Variants in TSC22D1 observed in about 807,000 individuals in gnomAD.
TSC22D1 encodes TSC22 domain family protein 1.
A neutral mutation model predicts 74.2 loss-of-function variants in TSC22D1; 9 were observed. The observed-to-expected ratio is 0.12, with a 90% CI of 0.07 to 0.21. The LOEUF (loss-of-function observed/expected upper bound fraction) is 0.21. Ranked by LOEUF, TSC22D1 falls within the 10% of genes least tolerant of loss-of-function variation. TSC22D1 has a pLI of 1.00. For synonymous variants in TSC22D1, 586 were observed against 492.5 expected (o/e 1.19, Z -2.51); for missense variants, 1,427 against 1,304.7 (o/e 1.09, Z -1.44).
At chr13:44,457,302 A>G (rs1225736148) in intron 1 of TSC22D1, among the ~76,000 whole-genome samples, 2 of 152,228 alleles carry the variant, frequency 1.3e-5, no homozygotes, top group Non-Finnish European at 1.5e-5. Context: ...CGCAAAGGAT[A>G]ACTTTTCTAT....
chr13:44,443,820 T>C (rs1274658216), intron 1 of TSC22D1, among the ~76,000 whole-genome samples: 1 of 152,180 alleles, frequency 6.6e-6, no homozygotes, highest in East Asian at 1.9e-4. Flanking sequence ...GAGTACACTA[T>C]GATAAGTTAA....
Position 44,575,707 on chromosome 13 carries a change from G to A in TSC22D1, c.368C>T (p.Ala123Val), listed in dbSNP as rs1329431286. 4.3e-6 allele frequency: 7 copies of A among 1,614,082 alleles called. No individual in the cohort carries two copies. The Admixed American group carries it at 8.3e-5, about 19-fold the overall frequency. The change falls in exon 1 of 3, where the codon GCT becomes GTT. Residue 123 changes from alanine to valine, a missense_variant. Transcript: ENST00000458659. ...ITSVTPAQISASISSNNSIAE... is the reference protein window; with the variant it reads ...ITSVTPAQISVSISSNNSIAE... ...TATACTGTTGTTAGAGCTGATACTA[G>A]CGGAGATCTGAGCAGGAGTAACGCT...
chr13:44,561,276 TACC>T (rs1883020042), intron 1 of TSC22D1, among the ~76,000 whole-genome samples: 1 of 152,164 alleles, frequency 6.6e-6, no homozygotes, highest in South Asian at 2.1e-4. Flanking sequence ...CCTCCATTTC[TACC>T]ACTGAGGAAA....
intron 1 of TSC22D1, among the ~76,000 whole-genome samples, chr13:44,500,292 TC>T (rs1419053825): frequency 1.3e-5 from 2 of 152,078 alleles, no homozygotes; most frequent in Non-Finnish European, 2.9e-5. Context: ...TTTAATCCCT[TC>T]TGGAAGAAAT....
Position 44,434,758 on chromosome 13 carries a change from C to A in TSC22D1, c.3090G>T (p.Leu1030=), listed in dbSNP as rs751820869. 6.2e-7 allele frequency: 1 copy of A among 1,613,960 alleles called. No individual in the cohort carries two copies. Among genetic ancestry groups the A allele is most frequent in the Non-Finnish European group, 8.5e-7 (1 of 1,180,030 alleles). Reference sequence around the variant, plus strand: ...ACTGGGCAAGCTGCTCAGGACTGGCCAGTGTCTTCAGCAGATTGTTCTCCT... The same window carrying A: ...ACTGGGCAAGCTGCTCAGGACTGGCAAGTGTCTTCAGCAGATTGTTCTCCT... The part of the protein sequence containing the change: ...LEQENNLLKT[L]ASPEQLAQFQ... Residue 1030 remains leucine, a synonymous_variant, in exon 3 of 3, where the codon CTG becomes CTT. Transcript: ENST00000458659.
At chr13:44,463,502 A>G (rs996279483) in intron 1 of TSC22D1, among the ~76,000 whole-genome samples, 4 of 152,216 alleles carry the variant, frequency 2.6e-5, no homozygotes, top group Non-Finnish European at 5.9e-5. Flanking sequence ...AAAAACTTAA[A>G]CTCAGAGGTG....
chr13:44,517,774 T>TATATATATATAC (rs1555269353), intron 1 of TSC22D1, among the ~76,000 whole-genome samples: 1 of 120,168 alleles, frequency 8.3e-6, no homozygotes, highest in Non-Finnish European at 1.7e-5. Context: ...TATATATATA[T>TATATATATATAC]ATACACATAT....
intron 1 of TSC22D1, among the ~76,000 whole-genome samples, chr13:44,478,927 G>T (rs1878048390): frequency 6.6e-6 from 1 of 152,118 alleles, no homozygotes; most frequent in South Asian, 2.1e-4. Context: ...TTATGTATGT[G>T]TGTATGTTTA....
chr13:44,461,609 CA>C (rs1876999497), intron 1 of TSC22D1, among the ~76,000 whole-genome samples: 1 of 151,998 alleles, frequency 6.6e-6, no homozygotes, highest in Admixed American at 6.6e-5. Flanking sequence ...AGAAAATGTC[CA>C]AAACAGAGGC....
rs764087080 is a variant in TSC22D1, at chr13:44,574,497, A to C, written c.1578T>G (p.Gly526=). The change falls in exon 1 of 3, where the codon GGT becomes GGG. Residue 526 remains glycine (G), a synonymous_variant. Transcript: ENST00000458659. The part of the protein sequence containing the change: ...TLQQMDFGST[G]PQSIPAVSIP... ...TACTAACTGCTGGAATACTCTGTGG[A>C]CCAGTGCTACCAAAATCCATCTGTT... The C allele has an allele frequency of 1.9e-6, 3 of 1,614,048 alleles. No homozygotes were observed. In the East Asian group the frequency reaches 6.7e-5, roughly 36 times the overall value.
At chr13:44,491,084 T>G (rs1878689868) in intron 1 of TSC22D1, among the ~76,000 whole-genome samples, 1 of 151,712 alleles carries the variant, frequency 6.6e-6, no homozygotes, top group African/African-American at 2.4e-5. Flanking sequence ...GAAGAATCAT[T>G]TGAACTCAGG....
At chr13:44,474,186 C>T in intron 1 of TSC22D1, 1 of 962,380 alleles carries the variant, frequency 1.0e-6, no homozygotes, top group Non-Finnish European at 1.2e-6. Context: ...CAATTCCTTC[C>T]ACAATTATTT....
intron 1 of TSC22D1, among the ~76,000 whole-genome samples, chr13:44,478,669 A>C (rs1878034021): frequency 6.6e-6 from 1 of 152,216 alleles, no homozygotes; most frequent in African/African-American, 2.4e-5. Context: ...CCAAAACATA[A>C]GCCACCATCA....
intron 1 of TSC22D1, chr13:44,474,145 G>T: frequency 1.4e-6 from 1 of 721,910 alleles, no homozygotes; most frequent in Non-Finnish European, 1.7e-6. Context: ...GCTTTTCAAG[G>T]TACTAGGCAG....
intron 2 of TSC22D1, chr13:44,435,760 C>T (rs1277508947): frequency 4.1e-6 from 2 of 485,940 alleles, no homozygotes; most frequent in African/African-American, 4.0e-5. Context: ...TTGGCCAGCG[C>T]TTCCCTAATA....
chr13:44,553,687 C>G (rs1044277452), intron 1 of TSC22D1, among the ~76,000 whole-genome samples: 1 of 152,022 alleles, frequency 6.6e-6, no homozygotes, highest in Non-Finnish European at 1.5e-5. Context: ...ATTCCCCACC[C>G]CCATTTAAAA....
rs1256847771 is a variant in TSC22D1 at position 44,553,596 on chromosome 13, G to A, written c.2912+19567C>T. On this transcript the variant is annotated intron_variant, in intron 1 of 2. Coordinates refer to ENST00000458659, the MANE Select transcript of TSC22D1 (RefSeq NM_183422.4). Reference sequence around the variant, plus strand: ...TAAAACAATCTTTCAGAATGAAAAAGTTGAGAATCACTTAATTGGGGTAAT... The same window carrying A: ...TAAAACAATCTTTCAGAATGAAAAAATTGAGAATCACTTAATTGGGGTAAT... 3.3e-5 allele frequency among the ~76,000 whole-genome samples: 5 copies of A among 152,154 alleles called. No homozygotes were observed. The South Asian group carries it at 1.0e-3, about 31-fold the overall frequency.
chr13:44,516,390 TAATA>T, intron 1 of TSC22D1: 1 of 425,188 alleles, frequency 2.4e-6, no homozygotes, highest in South Asian at 1.9e-5. Context: ...TAAAATCTCT[TAATA>T]AATAAAAGTT....
intron 1 of TSC22D1, among the ~76,000 whole-genome samples, chr13:44,514,867 AAAAT>A (rs1042488355): frequency 3.3e-5 from 5 of 152,202 alleles, no homozygotes; most frequent in Non-Finnish European, 4.4e-5. Flanking sequence ...CTCAAAGAAA[AAAAT>A]AAATAAATAA....
Sources: allele counts gnomAD v4.1 joint callset (sites outside exome capture counted in the v4.1 genomes callset), GRCh38; gene constraint gnomAD v4.1.1; transcripts MANE v1.5; gene names NCBI Gene and HGNC (gene_info 2026-07-23, HGNC 2026-07-21).